The following CNTN3 variants were observed in gnomAD, a reference collection of about 807,000 sequenced individuals.
CNTN3 encodes the protein contactin-3.
In CNTN3, 60 loss-of-function variants were observed where a neutral mutation model predicts 119.1. The ratio of observed to expected loss-of-function variants is 0.50; its 90% CI spans 0.41 to 0.62. The LOEUF (loss-of-function observed/expected upper bound fraction) is 0.62. CNTN3 is among the 20% of genes least tolerant of loss of function. The probability of loss-of-function intolerance (pLI) is 0.00; values close to 1 mark genes in which losing one functional copy is unlikely to be tolerated. For synonymous variants in CNTN3, 450 were observed against 438.7 expected, an observed-to-expected ratio of 1.03 and a Z score of -0.32; for missense variants, 1,101 against 1,242.4, an observed-to-expected ratio of 0.89 and a Z score of 1.71.
At chr3:74,501,379 T>C (rs973370937) in intron 2 of CNTN3, among the ~76,000 whole-genome samples, 4 of 152,014 alleles carry the variant, frequency 2.6e-5, no homozygotes, top group African/African-American at 9.7e-5. Context: ...TCCTTGAGTA[T>C]TGTCACACAT....
At chr3:74,355,062 T>C (rs910043153) in intron 11 of CNTN3, among the ~76,000 whole-genome samples, 2 of 152,106 alleles carry the variant, frequency 1.3e-5, no homozygotes, top group Non-Finnish European at 2.9e-5. Flanking sequence ...CAGTCAACCT[T>C]TGTATGCACG....
chr3:74,278,868 G>A (rs2106767943), intron 20 of CNTN3, among the ~76,000 whole-genome samples: 1 of 151,762 alleles, frequency 6.6e-6, no homozygotes, highest in East Asian at 1.9e-4. Flanking sequence ...TCTGACAAAG[G>A]ACTAATATCC....
chr3:74,481,809 C>CA, intron 4 of CNTN3, among the ~76,000 whole-genome samples: 1 of 151,540 alleles, frequency 6.6e-6, no homozygotes. Flanking sequence ...CAAATTCTAA[C>CA]AAATTATATT....
chr3:74,350,948 A>G (rs1458650757), intron 11 of CNTN3, among the ~76,000 whole-genome samples: 1 of 152,206 alleles, frequency 6.6e-6, no homozygotes, highest in Non-Finnish European at 1.5e-5. Flanking sequence ...CAGGGAGACC[A>G]GGATTGAAAA....
chr3:74,366,923 C>T (rs1282037466), intron 8 of CNTN3, among the ~76,000 whole-genome samples: 1 of 147,330 alleles, frequency 6.8e-6, no homozygotes, highest in East Asian at 2.0e-4. Flanking sequence ...TGTGAATAGA[C>T]TCACACATCA....
chr3:74,408,811 C>A (rs1337363963), intron 5 of CNTN3, among the ~76,000 whole-genome samples: 1 of 152,128 alleles, frequency 6.6e-6, no homozygotes, highest in African/African-American at 2.4e-5. Flanking sequence ...TCATTCATCT[C>A]TCCTTTGTCT....
chr3:74,351,960 G>C (rs542353893), intron 11 of CNTN3, among the ~76,000 whole-genome samples: 29 of 152,172 alleles, frequency 1.9e-4, no homozygotes, highest in Non-Finnish European at 3.7e-4. Context: ...GGGGAAGCCA[G>C]GTCAGGAAGG....
intron 1 of CNTN3, among the ~76,000 whole-genome samples, chr3:74,543,571 T>C (rs1703871475): frequency 6.6e-6 from 1 of 152,162 alleles, no homozygotes; most frequent in African/African-American, 2.4e-5. Flanking sequence ...ACTAATTTAG[T>C]AGTAGATCAC....
chr3:74,396,856 A>G (rs1464793977), intron 5 of CNTN3, among the ~76,000 whole-genome samples: 1 of 152,126 alleles, frequency 6.6e-6, no homozygotes, highest in Non-Finnish European at 1.5e-5. Flanking sequence ...TCCATAACAT[A>G]CAAGTGCAAG....
intron 1 of CNTN3, among the ~76,000 whole-genome samples, chr3:74,590,246 G>T (rs1012852807): frequency 6.6e-6 from 1 of 151,986 alleles, no homozygotes; most frequent in Non-Finnish European, 1.5e-5. Context: ...ATAGAGGCTT[G>T]AGCCAATTTG....
intron 13 of CNTN3, among the ~76,000 whole-genome samples, chr3:74,334,258 T>C (rs1703335857): frequency 6.6e-6 from 1 of 152,162 alleles, no homozygotes; most frequent in African/African-American, 2.4e-5. Flanking sequence ...AGTCCTCAGT[T>C]TGTGCACCTG....
At chr3:74,525,442 T>C (rs1261747798) in intron 1 of CNTN3, among the ~76,000 whole-genome samples, 1 of 151,974 alleles carries the variant, frequency 6.6e-6, no homozygotes, top group East Asian at 2.0e-4. Flanking sequence ...TTCTCAGCAT[T>C]GCCATGTATC....
intron 6 of CNTN3, among the ~76,000 whole-genome samples, 183 bp downstream of exon 6, chr3:74,371,013 G>T (rs1487217606): frequency 6.6e-6 from 1 of 152,112 alleles, no homozygotes; most frequent in Non-Finnish European, 1.5e-5. Context: ...CCCGGGGTAA[G>T]AATTATGCAT....
intron 1 of CNTN3, among the ~76,000 whole-genome samples, chr3:74,562,884 A>C (rs1456193364): frequency 1.3e-5 from 2 of 152,158 alleles, no homozygotes; most frequent in Non-Finnish European, 2.9e-5. Flanking sequence ...AATTAAAACC[A>C]GTCAAAATGT....
At chr3:74,514,523 T>C (rs979899758) in intron 2 of CNTN3, among the ~76,000 whole-genome samples, 1 of 152,048 alleles carries the variant, frequency 6.6e-6, no homozygotes, top group African/African-American at 2.4e-5. Context: ...AAATAACTTC[T>C]AAAAGTTGTT....
intron 4 of CNTN3, among the ~76,000 whole-genome samples, chr3:74,428,275 A>G (rs747880382): frequency 6.6e-6 from 1 of 152,124 alleles, no homozygotes; most frequent in African/African-American, 2.4e-5. Flanking sequence ...ATTGAAAAAA[A>G]AAAGGTTAAC....
At chr3:74,568,309 T>G (rs1390642560) in intron 1 of CNTN3, among the ~76,000 whole-genome samples, 1 of 152,164 alleles carries the variant, frequency 6.6e-6, no homozygotes, top group Non-Finnish European at 1.5e-5. Context: ...CATGTATATG[T>G]GTTTGGGGAA....
chr3:74,492,458 G>A lies in CNTN3; in HGVS notation c.183-5827C>T, dbSNP rs1220130940. On this transcript the variant is annotated intron_variant, in intron 3 of 22. Coordinates refer to ENST00000263665, the MANE Select transcript of CNTN3 (RefSeq NM_020872.3). ...GAAAAGGTAGTGTCTGAGAGAACTG[G>A]ACCAAGCCTAATAAAATATAATGGT... Among the ~76,000 whole-genome samples, 5 of 152,168 alleles carry A rather than the reference G, an allele frequency of 3.3e-5. No homozygotes were observed. In the East Asian group the frequency reaches 9.7e-4, roughly 29 times the overall value.
At chr3:74,356,630 G>T (rs1433425309) in intron 11 of CNTN3, among the ~76,000 whole-genome samples, 1 of 152,034 alleles carries the variant, frequency 6.6e-6, no homozygotes, top group East Asian at 1.9e-4. Flanking sequence ...GGTACTCAAG[G>T]TATTTTCAAG....
Sources: gnomAD v4.1 joint callset for allele counts (sites outside exome capture counted in the v4.1 genomes callset) on GRCh38, gnomAD v4.1.1 for gene constraint, MANE v1.5 for transcripts, NCBI Gene and HGNC (gene_info 2026-07-23, HGNC 2026-07-21) for gene names.